The following GTF3C5 variants were observed in gnomAD, a reference collection of about 807,000 sequenced individuals.
GTF3C5 encodes general transcription factor IIIC subunit 5, also known as general transcription factor 3C polypeptide 5.
In GTF3C5, 47 loss-of-function variants were observed where a neutral mutation model predicts 61.0. The observed-to-expected ratio is 0.77, with a 90% CI of 0.61 to 0.98. The LOEUF (loss-of-function observed/expected upper bound fraction) is 0.98. Among genes scored for constraint, GTF3C5 ranks in the 50% least tolerant of loss-of-function variants. The pLI is 0.00. For missense variants in GTF3C5, 659 were observed against 703.3 expected, an observed-to-expected ratio of 0.94 and a Z score of 0.71; for synonymous variants, 295 against 275.4, an observed-to-expected ratio of 1.07 and a Z score of -0.71.
chr9:133,040,131 C>T (rs1294248350), intron 1 of GTF3C5, among the ~76,000 whole-genome samples: 3 of 152,202 alleles, frequency 2.0e-5, no homozygotes, highest in South Asian at 4.2e-4. Context: ...CTTCCTTACT[C>T]ATTCACTCTT....
intron 2 of GTF3C5, among the ~76,000 whole-genome samples, chr9:133,043,210 A>G (rs1260943455): frequency 6.6e-6 from 1 of 152,232 alleles, no homozygotes; most frequent in Non-Finnish European, 1.5e-5. Context: ...CATTCACCAA[A>G]GAGGGCTGTT....
intron 3 of GTF3C5, among the ~76,000 whole-genome samples, chr9:133,050,486 A>G (rs1850336867): frequency 6.6e-6 from 1 of 152,162 alleles, no homozygotes; most frequent in Non-Finnish European, 1.5e-5. Context: ...GCCCCATGAC[A>G]GGTGCCCTTT....
At chr9:133,035,886 A>G (rs1435057951) in intron 1 of GTF3C5, among the ~76,000 whole-genome samples, 2 of 152,202 alleles carry the variant, frequency 1.3e-5, no homozygotes, top group African/African-American at 2.4e-5. Flanking sequence ...GCTATTAATG[A>G]GACCTCGTTC....
intron 3 of GTF3C5, among the ~76,000 whole-genome samples, chr9:133,049,364 T>C (rs531677999): frequency 1.4e-4 from 22 of 152,382 alleles, no homozygotes; most frequent in Admixed American, 4.6e-4. Flanking sequence ...GCAGGCACTT[T>C]AAAAAGAAGG....
At chr9:133,039,513 C>T (rs1849975828) in intron 1 of GTF3C5, among the ~76,000 whole-genome samples, 1 of 152,110 alleles carries the variant, frequency 6.6e-6, no homozygotes, top group African/African-American at 2.4e-5. Context: ...GGGTGATCTT[C>T]TCACCTCACC....
chr9:133,055,533 A>G (rs924676066), intron 8 of GTF3C5: 16 of 1,195,906 alleles, frequency 1.3e-5, no homozygotes, highest in East Asian at 5.7e-5. Context: ...GGAGGCCGTT[A>G]TCCTTACTCT....
intron 5 of GTF3C5, among the ~76,000 whole-genome samples, chr9:133,052,377 G>A (rs1185409564): frequency 1.6e-4 from 10 of 63,918 alleles, no homozygotes; most frequent in South Asian, 4.3e-4. Flanking sequence ...CACCTCCCCC[G>A]TCCTGGCACC....
At chr9:133,054,040 G>A in intron 6 of GTF3C5, 98 bp downstream of exon 6, 1 of 867,442 alleles carries the variant, frequency 1.2e-6, no homozygotes, top group South Asian at 1.7e-5. Context: ...CATTTGGAAA[G>A]AATAAAAAAA....
At chr9:133,048,128 T>TA (rs112188653) in intron 3 of GTF3C5, among the ~76,000 whole-genome samples, 6,762 of 142,786 alleles carry the variant, frequency 0.047, 191 homozygotes, top group African/African-American at 0.087. Context: ...GACCGTGTTT[T>TA]AAAAAAAAAA....
At position 133,055,312 on chromosome 9, in the gene GTF3C5, C is replaced by T. The variant is rs1401489903; in HGVS notation, c.1167+503C>T. ...GCCGCTCCACAGCCCTGGGGGAGGC[C>T]GAGAAGGGGGCATCCCGCACGGTGG... On this transcript the variant is annotated intron_variant, in intron 8 of 10. Transcript: ENST00000372097. The T allele has an allele frequency of 3.0e-5, 41 of 1,382,010 alleles. 1 individual carries two copies. The highest frequency in any genetic ancestry group is 3.4e-5 in the Non-Finnish European group (36 of 1,049,092). The allele number at this position is 1,382,010 out of a possible 1,614,324, so 85.6% of individuals were successfully genotyped here. A position where few individuals can be genotyped will look rare whatever the true frequency, so the allele number is the denominator to read the frequency against.
chr9:133,046,133 C>T (rs1370806804), intron 3 of GTF3C5, among the ~76,000 whole-genome samples: 1 of 152,040 alleles, frequency 6.6e-6, no homozygotes, highest in Non-Finnish European at 1.5e-5. Context: ...TGAGACCAGC[C>T]TGGGCAATAT....
rs560320733 is a variant in GTF3C5, at chr9:133,055,646, C to T, written c.1168-366C>T. The T allele has an allele frequency of 8.1e-6, 8 of 985,402 alleles. No homozygotes were observed. The South Asian group carries it at 3.3e-4, about 40-fold the overall frequency. 61.0% of individuals were successfully genotyped at this position (985,402 alleles called of 1,614,324 possible). A position where few individuals can be genotyped will look rare whatever the true frequency, so the allele number is the denominator to read the frequency against. On this transcript the variant is annotated intron_variant, in intron 8 of 10. Transcript: ENST00000372097. ...CAGCCCATAGGGGGACATAGGGTGA[C>T]AAATTAGCAGCAGTGGGTGAGGGAT... is the stretch of plus-strand genomic sequence containing the variant.
intron 3 of GTF3C5, among the ~76,000 whole-genome samples, chr9:133,047,485 C>G (rs1850241736): frequency 6.6e-6 from 1 of 151,930 alleles, no homozygotes; most frequent in South Asian, 2.1e-4. Context: ...GTATTGTACT[C>G]ACTATAAGAG....
Position 133,055,214 on chromosome 9 carries a change from C to T in GTF3C5, c.1167+405C>T, listed in dbSNP as rs762362573. On this transcript the variant is annotated intron_variant, in intron 8 of 10. Coordinates refer to ENST00000372097, the MANE Select transcript of GTF3C5 (RefSeq NM_012087.4). ...CTGTGGCAGGAGCCTCACTGGCTCA[C>T]GTTTCCGTCAGTGCGGTTGCCCAGC... is the stretch of plus-strand genomic sequence containing the variant. The T allele has an allele frequency of 2.4e-5, 36 of 1,518,132 alleles. 1 individual carries two copies. The South Asian group carries it at 3.3e-4, about 14-fold the overall frequency. 94.0% of individuals were successfully genotyped at this position (1,518,132 alleles called of 1,614,324 possible). A position where few individuals can be genotyped will look rare whatever the true frequency, so the allele number is the denominator to read the frequency against.
At position 133,050,877 on chromosome 9, in the gene GTF3C5, G is replaced by A. The variant is rs757421520; in HGVS notation, c.667G>A (p.Asp223Asn). The change falls in exon 4 of 11, where the codon GAT becomes AAT. Residue 223 changes from aspartate to asparagine, a missense_variant. Transcript: ENST00000372097. ...PHNAIFVNFE[D>N]EEVPKQPLEA... is the part of the protein sequence containing the mutation. ...CAATGCCATCTTTGTCAACTTTGAG[G>A]ATGAGGAGGTGCCCAAGCAGCCACT... The A allele has an allele frequency of 6.2e-7, 1 of 1,613,660 alleles. No homozygotes were observed. Among genetic ancestry groups the A allele is most frequent in the South Asian group, 1.1e-5 (1 of 90,996 alleles).
chr9:133,055,592 C>A (rs755404312), intron 8 of GTF3C5: 13 of 985,316 alleles, frequency 1.3e-5, no homozygotes, highest in Non-Finnish European at 1.6e-5. Flanking sequence ...ACTCACTAAG[C>A]CCTGCTTTTC....
chr9:133,052,599 C>A (rs1214480372), intron 5 of GTF3C5, among the ~76,000 whole-genome samples: 1 of 152,016 alleles, frequency 6.6e-6, no homozygotes, highest in African/African-American at 2.4e-5. Context: ...CACCTTTGAT[C>A]CACAAGCATG....
intron 1 of GTF3C5, among the ~76,000 whole-genome samples, chr9:133,032,770 A>T (rs56332035): frequency 0.023 from 3,499 of 152,322 alleles, 61 homozygotes; most frequent in South Asian, 0.062. Context: ...GGACATAAGG[A>T]TCGAGGACAT....
chr9:133,055,130 A>C, intron 8 of GTF3C5: 1 of 1,548,470 alleles, frequency 6.5e-7, no homozygotes, highest in Non-Finnish European at 8.7e-7. Flanking sequence ...CACTCCGGGA[A>C]TGATCGGAAT....
Sources: allele counts gnomAD v4.1 joint callset (sites outside exome capture counted in the v4.1 genomes callset), GRCh38; gene constraint gnomAD v4.1.1; transcripts MANE v1.5; gene names NCBI Gene and HGNC (gene_info 2026-07-23, HGNC 2026-07-21).